The following LGSN variants were observed in gnomAD, a reference collection of about 807,000 sequenced individuals.
LGSN encodes lengsin, lens protein with glutamine synthetase domain.
In LGSN, 21 loss-of-function variants were observed where a neutral mutation model predicts 19.5. That is an observed-to-expected ratio of 1.07 (90% confidence interval 0.76 to 1.55). The LOEUF is 1.55. Ranked by LOEUF, LGSN falls within the 40% of genes most tolerant of loss-of-function variation. The pLI is 0.00. For synonymous variants in LGSN, 257 were observed against 215.6 expected (o/e 1.19, Z -1.68); for missense variants, 673 against 608.5 (o/e 1.11, Z -1.12).
At chr6:63,465,455 T>A in the LGSN span, among the ~76,000 whole-genome samples, 78 of 151,810 alleles carry the variant, frequency 5.1e-4, no homozygotes, top group African/African-American at 1.8e-3. Flanking sequence ...ATGCTGGGAT[T>A]ACAGGCATGA....
the LGSN span, among the ~76,000 whole-genome samples, chr6:63,347,123 G>T: frequency 6.6e-6 from 1 of 152,142 alleles, no homozygotes; most frequent in Non-Finnish European, 1.5e-5. Context: ...GTTGATGTTT[G>T]CTGGAGAATT....
chr6:63,508,052 C>T, the LGSN span, among the ~76,000 whole-genome samples: 1 of 103,872 alleles, frequency 9.6e-6, no homozygotes, highest in Non-Finnish European at 1.8e-5. Context: ...TATTTCACAA[C>T]CAATTCATGG....
chr6:63,335,498 C>T, the LGSN span, among the ~76,000 whole-genome samples: 1 of 152,106 alleles, frequency 6.6e-6, no homozygotes, highest in African/African-American at 2.4e-5. Context: ...GGGCAAACGA[C>T]ATGAATAGAC....
At chr6:63,300,525 G>T (rs1768142769) in intron 1 of LGSN, among the ~76,000 whole-genome samples, 1 of 152,040 alleles carries the variant, frequency 6.6e-6, no homozygotes, top group African/African-American at 2.4e-5. Context: ...AATTAGCTAG[G>T]CACGGTGGTG....
At chr6:63,286,043 C>T (rs1191276881) in intron 2 of LGSN, among the ~76,000 whole-genome samples, 1 of 152,114 alleles carries the variant, frequency 6.6e-6, no homozygotes, top group Non-Finnish European at 1.5e-5. Flanking sequence ...TACTGAAAAT[C>T]CCTTTGCTTA....
the LGSN span, among the ~76,000 whole-genome samples, chr6:63,414,834 G>A: frequency 1.3e-5 from 2 of 152,258 alleles, no homozygotes; most frequent in South Asian, 4.1e-4. Flanking sequence ...AGGATTGCTT[G>A]AGCCTGGGAG....
rs61758981 is a variant in LGSN, at chr6:63,294,932, C to A, written c.144G>T (p.Thr48=). Residue 48 remains threonine (T), a synonymous_variant, in exon 2 of 4, where the codon ACG becomes ACT. Coordinates refer to ENST00000370657, the MANE Select transcript of LGSN (RefSeq NM_016571.3). ...PYVCSTEVGE[T]DMSNSNDCMR... Reference sequence around the variant, plus strand: ...AGATACCATTTGAATTGGACATATCCGTTTCTCCCACTTCAGTTGAACAAA... The same window carrying A: ...AGATACCATTTGAATTGGACATATCAGTTTCTCCCACTTCAGTTGAACAAA... 5.6e-6 allele frequency: 9 copies of A among 1,613,820 alleles called. No individual in the cohort carries two copies. Among genetic ancestry groups the A allele is most frequent in the Non-Finnish European group, 7.6e-6 (9 of 1,179,856 alleles).
chr6:63,394,082 A>G, the LGSN span, among the ~76,000 whole-genome samples: 1 of 152,176 alleles, frequency 6.6e-6, no homozygotes, highest in Admixed American at 6.5e-5. Context: ...AGCCTGGCCA[A>G]CATGGCGAAA....
chr6:63,545,375 G>A, the LGSN span, among the ~76,000 whole-genome samples: 12 of 151,880 alleles, frequency 7.9e-5, no homozygotes, highest in African/African-American at 1.2e-4. Context: ...TTTGGGAGGC[G>A]GAGGCAGATG....
chr6:63,437,209 AGGAAAG>A, the LGSN span, among the ~76,000 whole-genome samples: 21 of 147,880 alleles, frequency 1.4e-4, no homozygotes, highest in African/African-American at 2.5e-4. Context: ...ACAGAAAGAG[AGGAAAG>A]GGAAAGGGAA....
the LGSN span, among the ~76,000 whole-genome samples, chr6:63,527,238 T>A: frequency 1.3e-5 from 2 of 152,220 alleles, no homozygotes; most frequent in Non-Finnish European, 2.9e-5. Context: ...GTGCACATTT[T>A]AAACAGAGCA....
the LGSN span, chr6:63,572,370 G>C: frequency 3.2e-6 from 1 of 310,480 alleles, no homozygotes; most frequent in African/African-American, 2.2e-5. Context: ...GAGGGGGCGG[G>C]CCTCCGCCCC....
chr6:63,452,110 T>A, the LGSN span, among the ~76,000 whole-genome samples: 1 of 151,886 alleles, frequency 6.6e-6, no homozygotes, highest in East Asian at 1.9e-4. Flanking sequence ...ATAAAGTGAG[T>A]TGGGACATGA....
At chr6:63,541,428 C>T in the LGSN span, among the ~76,000 whole-genome samples, 3 of 151,996 alleles carry the variant, frequency 2.0e-5, no homozygotes, top group African/African-American at 7.2e-5. Flanking sequence ...TGGCAGGTGC[C>T]TATAATTCCA....
chr6:63,505,790 G>A, the LGSN span, among the ~76,000 whole-genome samples: 2 of 152,194 alleles, frequency 1.3e-5, no homozygotes, highest in Admixed American at 6.5e-5. Context: ...CTCCCAAGTA[G>A]CTGGGACTAT....
the LGSN span, among the ~76,000 whole-genome samples, chr6:63,503,698 T>A: frequency 1.3e-5 from 2 of 152,146 alleles, no homozygotes; most frequent in Non-Finnish European, 2.9e-5. Context: ...GTGGATTGCT[T>A]GAGCCCAGGA....
the LGSN span, among the ~76,000 whole-genome samples, chr6:63,431,442 T>C: frequency 6.6e-6 from 1 of 152,186 alleles, no homozygotes. Context: ...CTTCTACGTG[T>C]TTCCCATTGA....
At chr6:63,542,829 A>T in the LGSN span, among the ~76,000 whole-genome samples, 1 of 152,110 alleles carries the variant, frequency 6.6e-6, no homozygotes, top group Non-Finnish European at 1.5e-5. Flanking sequence ...ATCCCATATT[A>T]TCACCACCTC....
chr6:63,478,150 T>A, the LGSN span, among the ~76,000 whole-genome samples: 1 of 152,224 alleles, frequency 6.6e-6, no homozygotes, highest in South Asian at 2.1e-4. Flanking sequence ...AATACATAGC[T>A]ATTCACTGAA....
Sources: allele counts gnomAD v4.1 joint callset (sites outside exome capture counted in the v4.1 genomes callset), GRCh38; gene constraint gnomAD v4.1.1; transcripts MANE v1.5; gene names NCBI Gene and HGNC (gene_info 2026-07-23, HGNC 2026-07-21).